The following CACNA2D3 variants were observed in gnomAD, a reference collection of about 807,000 sequenced individuals.
CACNA2D3 encodes the protein voltage-dependent calcium channel subunit alpha-2/delta-3.
Under a neutral mutation model 160.6 loss-of-function variants are expected in CACNA2D3, and 60 were observed. The ratio of observed to expected loss-of-function variants is 0.37; its 90% CI spans 0.30 to 0.46. The LOEUF (loss-of-function observed/expected upper bound fraction) is 0.46. Among genes scored for constraint, CACNA2D3 ranks in the 20% least tolerant of loss-of-function variants. The probability of loss-of-function intolerance (pLI) is 1.00; values close to 1 mark genes in which losing one functional copy is unlikely to be tolerated. For missense variants in CACNA2D3, 1,205 were observed against 1,365.0 expected (o/e 0.88, Z 1.85); for synonymous variants, 558 against 492.9 (o/e 1.13, Z -1.75).
chr3:54,654,913 G>T (rs1365340101), intron 11 of CACNA2D3, among the ~76,000 whole-genome samples: 1 of 152,126 alleles, frequency 6.6e-6, no homozygotes, highest in African/African-American at 2.4e-5. Flanking sequence ...CTCCTCCATG[G>T]ATGCAACATC....
chr3:54,653,043 A>G (rs1051663639), intron 11 of CACNA2D3, among the ~76,000 whole-genome samples: 2 of 152,084 alleles, frequency 1.3e-5, no homozygotes, highest in Non-Finnish European at 2.9e-5. Flanking sequence ...TTGGTCTCCC[A>G]AAGTGCTGAG....
intron 35 of CACNA2D3, among the ~76,000 whole-genome samples, chr3:55,035,087 C>T (rs1703784605): frequency 6.6e-6 from 1 of 152,054 alleles, no homozygotes; most frequent in African/African-American, 2.4e-5. Context: ...AGATATAGTG[C>T]CAACTGAGAA....
intron 2 of CACNA2D3, among the ~76,000 whole-genome samples, chr3:54,242,962 T>G (rs971284087): frequency 6.6e-6 from 1 of 152,204 alleles, no homozygotes; most frequent in Non-Finnish European, 1.5e-5. Context: ...TTTAACTATT[T>G]GTGAAAATAT....
intron 2 of CACNA2D3, among the ~76,000 whole-genome samples, chr3:54,290,698 G>C (rs997760532): frequency 6.6e-6 from 1 of 151,684 alleles, no homozygotes; most frequent in African/African-American, 2.4e-5. Flanking sequence ...AGAAAATGTG[G>C]CACATATACA....
chr3:54,468,284 A>T (rs1700664501), intron 4 of CACNA2D3, among the ~76,000 whole-genome samples: 2 of 152,196 alleles, frequency 1.3e-5, no homozygotes, highest in South Asian at 4.1e-4. Flanking sequence ...GTGGAGGGTG[A>T]GCTGAAGCAG....
intron 31 of CACNA2D3, among the ~76,000 whole-genome samples, chr3:54,996,705 C>T (rs1702866035): frequency 6.6e-6 from 1 of 152,176 alleles, no homozygotes; most frequent in Non-Finnish European, 1.5e-5. Flanking sequence ...AGGAAGTACC[C>T]CTGAATGTGT....
chr3:55,026,987 G>GCATGCACA (rs200969524), intron 35 of CACNA2D3, among the ~76,000 whole-genome samples: 2 of 149,138 alleles, frequency 1.3e-5, no homozygotes, highest in Admixed American at 6.6e-5. Context: ...AAGCGCGCAT[G>GCATGCACA]CACGCACACA....
chr3:54,431,243 AG>A (rs1699985437), intron 4 of CACNA2D3, among the ~76,000 whole-genome samples: 1 of 151,854 alleles, frequency 6.6e-6, no homozygotes, highest in African/African-American at 2.4e-5. Context: ...AGGCTGAGGC[AG>A]GAAAATCGCT....
At chr3:54,400,244 A>G in intron 4 of CACNA2D3, among the ~76,000 whole-genome samples, 1 of 150,736 alleles carries the variant, frequency 6.6e-6, no homozygotes. Context: ...ATGGAAATGC[A>G]GAAATCACCC....
intron 4 of CACNA2D3, among the ~76,000 whole-genome samples, chr3:54,491,214 T>C (rs1701103396): frequency 6.6e-6 from 1 of 152,184 alleles, no homozygotes; most frequent in Admixed American, 6.5e-5. Context: ...GGTGCATTGA[T>C]GTGAGAGAAG....
chr3:54,579,132 A>G (rs1702634468), intron 8 of CACNA2D3, among the ~76,000 whole-genome samples: 1 of 152,156 alleles, frequency 6.6e-6, no homozygotes, highest in Non-Finnish European at 1.5e-5. Context: ...ATTTACCTGG[A>G]AAATGGAAGA....
chr3:54,350,986 G>GT (rs796392854), intron 3 of CACNA2D3, among the ~76,000 whole-genome samples: 4,107 of 65,848 alleles, frequency 0.062, 516 homozygotes, highest in South Asian at 0.097. Flanking sequence ...TTTTTTGTTT[G>GT]TTTTTTTTTT....
At chr3:54,845,625 G>A (rs745473788) in intron 16 of CACNA2D3, among the ~76,000 whole-genome samples, 27 of 152,224 alleles carry the variant, frequency 1.8e-4, no homozygotes, top group Non-Finnish European at 2.2e-4. Context: ...TCAAAAAGCC[G>A]GGATTATTAT....
At chr3:54,449,495 A>G (rs1235191438) in intron 4 of CACNA2D3, among the ~76,000 whole-genome samples, 1 of 152,210 alleles carries the variant, frequency 6.6e-6, no homozygotes, top group Non-Finnish European at 1.5e-5. Context: ...ATTTTAAGTC[A>G]TTCTGTGATA....
intron 2 of CACNA2D3, among the ~76,000 whole-genome samples, chr3:54,272,376 G>A (rs67734510): frequency 0.15 from 23,043 of 152,172 alleles, 2,127 homozygotes; most frequent in South Asian, 0.2. Context: ...TGGGCTTGGG[G>A]AAGCTGTGGG....
At chr3:54,344,604 A>C (rs555629265) in intron 3 of CACNA2D3, among the ~76,000 whole-genome samples, 1 of 152,186 alleles carries the variant, frequency 6.6e-6, no homozygotes, top group Non-Finnish European at 1.5e-5. Flanking sequence ...ACCTGGCTTG[A>C]GTTCCAGCTT....
chr3:54,669,876 T>A (rs770675901), intron 11 of CACNA2D3, among the ~76,000 whole-genome samples: 4 of 152,220 alleles, frequency 2.6e-5, no homozygotes, highest in Non-Finnish European at 5.9e-5. Context: ...CTTGAACTCC[T>A]GGGCTCAAGC....
At chr3:55,025,741 C>T (rs1055719047) in intron 35 of CACNA2D3, among the ~76,000 whole-genome samples, 6 of 150,504 alleles carry the variant, frequency 4.0e-5, no homozygotes, top group Non-Finnish European at 8.8e-5. Context: ...TGAAGACTCA[C>T]AGGAGATTGG....
At chr3:55,032,911 A>G (rs1400281797) in intron 35 of CACNA2D3, among the ~76,000 whole-genome samples, 3 of 138,688 alleles carry the variant, frequency 2.2e-5, no homozygotes, top group African/African-American at 8.0e-5. Flanking sequence ...GAGGTTTCCC[A>G]AGAGAATAAC....
Sources: gnomAD v4.1 joint callset for allele counts (sites outside exome capture counted in the v4.1 genomes callset) on GRCh38, gnomAD v4.1.1 for gene constraint, MANE v1.5 for transcripts, NCBI Gene and HGNC (gene_info 2026-07-23, HGNC 2026-07-21) for gene names.